The following ST8SIA4 variants were observed in gnomAD, a reference collection of about 807,000 sequenced individuals.
ST8SIA4 encodes the protein CMP-N-acetylneuraminate-poly-alpha-2,8-sialyltransferase.
Under a neutral mutation model 33.9 loss-of-function variants are expected in ST8SIA4, and 15 were observed. The ratio of observed to expected loss-of-function variants is 0.44; its 90% CI spans 0.30 to 0.68. The LOEUF is 0.68. Ranked by LOEUF, ST8SIA4 falls within the 30% of genes least tolerant of loss-of-function variation. The probability of loss-of-function intolerance (pLI) is 0.10; values close to 1 mark genes in which losing one functional copy is unlikely to be tolerated. For missense variants in ST8SIA4, 321 were observed against 428.0 expected (o/e 0.75, Z 2.21); for synonymous variants, 171 against 151.2 (o/e 1.13, Z -0.96).
At position 100,809,584 on chromosome 5, in the gene ST8SIA4, A is replaced by T. The variant is rs1750774565; in HGVS notation, c.*2263T>A. On this transcript the variant is annotated 3_prime_UTR_variant, in exon 5 of 5. Coordinates refer to ENST00000231461, the MANE Select transcript of ST8SIA4 (RefSeq NM_005668.6). The stretch of plus-strand genomic sequence containing the variant: ...TTTACCTTTAAGATATTTGCTTGTG[A>T]CTTCTAGATTTCTGTTGGATTTAAA... The T allele has an allele frequency of 6.6e-6, 1 of 152,056 alleles. No individual in the cohort carries two copies. The highest frequency in any genetic ancestry group is 1.5e-5 in the Non-Finnish European group (1 of 68,000). 9.4% of individuals were successfully genotyped at this position (152,056 alleles called of 1,614,324 possible). A position where few individuals can be genotyped will look rare whatever the true frequency, so the allele number is the denominator to read the frequency against.
chr5:100,858,273 CAT>C (rs1272320480), intron 3 of ST8SIA4, among the ~76,000 whole-genome samples: 1 of 151,988 alleles, frequency 6.6e-6, no homozygotes. Flanking sequence ...AGGGAGAATA[CAT>C]GTAACATTAC....
intron 4 of ST8SIA4, among the ~76,000 whole-genome samples, chr5:100,814,868 G>C (rs2112396187): frequency 6.6e-6 from 1 of 151,964 alleles, no homozygotes; most frequent in East Asian, 1.9e-4. Context: ...CTAGAGCCCA[G>C]ACTACAATTT....
At chr5:100,898,718 C>T (rs1238660423) in intron 1 of ST8SIA4, among the ~76,000 whole-genome samples, 1 of 152,178 alleles carries the variant, frequency 6.6e-6, no homozygotes, top group Non-Finnish European at 1.5e-5. Context: ...AGAAAAGGCT[C>T]TTCCTTCCCA....
intron 3 of ST8SIA4, among the ~76,000 whole-genome samples, chr5:100,857,646 TG>T (rs1172579752): frequency 2.0e-5 from 3 of 152,040 alleles, no homozygotes; most frequent in African/African-American, 7.2e-5. Context: ...TTGTGTATTT[TG>T]TCACATTAAT....
chr5:100,818,870 G>A (rs1046813996), intron 4 of ST8SIA4, among the ~76,000 whole-genome samples: 5 of 152,116 alleles, frequency 3.3e-5, no homozygotes, highest in Admixed American at 1.3e-4. Context: ...GTTATCTGAC[G>A]TCTATCAGAG....
At chr5:100,896,558 A>G (rs1752784216) in intron 1 of ST8SIA4, among the ~76,000 whole-genome samples, 1 of 152,136 alleles carries the variant, frequency 6.6e-6, no homozygotes. Context: ...ATTTTTAAGT[A>G]GCTCCAAGAG....
Position 100,811,852 on chromosome 5 carries a change from G to C in ST8SIA4, c.1075C>G (p.Gln359Glu). ...LKLTTGKCVK[Q>E] ...TGTTTGTTTCAAAATGTGCTTTATT[G>C]CTTTACACACTTTCCTGTTGTCAGT... is the stretch of plus-strand genomic sequence containing the variant. The change falls in exon 5 of 5, where the codon CAA becomes GAA. Residue 359 changes from glutamine (Q) to glutamate (E), a missense_variant. Physicochemically the swap from Gln to Glu is conservative, Grantham distance 29. Coordinates refer to ENST00000231461, the MANE Select transcript of ST8SIA4 (RefSeq NM_005668.6). The C allele has an allele frequency of 1.2e-6, 2 of 1,608,308 alleles. No homozygotes were observed. Among genetic ancestry groups the C allele is most frequent in the Non-Finnish European group, 1.7e-6 (2 of 1,177,204 alleles).
At chr5:100,895,261 G>A (rs182322269) in intron 2 of ST8SIA4, among the ~76,000 whole-genome samples, 1 of 152,166 alleles carries the variant, frequency 6.6e-6, no homozygotes, top group East Asian at 1.9e-4. Flanking sequence ...ACAATAGAGT[G>A]TAATAGGCTC....
chr5:100,870,660 G>A (rs924113042), intron 3 of ST8SIA4, among the ~76,000 whole-genome samples: 12 of 151,864 alleles, frequency 7.9e-5, no homozygotes, highest in African/African-American at 2.9e-4. Flanking sequence ...ATTTTTACTT[G>A]TAGATAAAAT....
At chr5:100,816,711 T>C (rs898312577) in intron 4 of ST8SIA4, 14 of 437,236 alleles carry the variant, frequency 3.2e-5, no homozygotes, top group African/African-American at 2.1e-4. Flanking sequence ...TTTCCATTAA[T>C]GAGCCCAGAA....
chr5:100,847,490 T>G (rs1389957210), intron 4 of ST8SIA4, among the ~76,000 whole-genome samples: 1 of 152,112 alleles, frequency 6.6e-6, no homozygotes, highest in Non-Finnish European at 1.5e-5. Flanking sequence ...TTATATAGAC[T>G]TTAACCTTTA....
At chr5:100,829,517 A>C (rs1162792935) in intron 4 of ST8SIA4, among the ~76,000 whole-genome samples, 1 of 152,182 alleles carries the variant, frequency 6.6e-6, no homozygotes, top group Non-Finnish European at 1.5e-5. Context: ...TGATATATCT[A>C]TAATAGGGGA....
intron 4 of ST8SIA4, among the ~76,000 whole-genome samples, chr5:100,853,028 C>A (rs753885139): frequency 4.6e-4 from 70 of 152,186 alleles, no homozygotes; most frequent in Non-Finnish European, 8.2e-4. Flanking sequence ...AGGCAACCAA[C>A]TCCAGTAATC....
At chr5:100,819,530 T>A (rs1179495633) in intron 4 of ST8SIA4, among the ~76,000 whole-genome samples, 1 of 152,198 alleles carries the variant, frequency 6.6e-6, no homozygotes, top group Non-Finnish European at 1.5e-5. Context: ...CAACCTGACA[T>A]CAGTGAACAC....
intron 4 of ST8SIA4, among the ~76,000 whole-genome samples, chr5:100,850,963 T>A (rs1751684114): frequency 7.1e-6 from 1 of 141,512 alleles, no homozygotes; most frequent in African/African-American, 2.6e-5. Flanking sequence ...ACTTTTTTTT[T>A]TTTTTTTTTT....
chr5:100,859,191 A>G (rs531178812), intron 3 of ST8SIA4, among the ~76,000 whole-genome samples: 1 of 152,110 alleles, frequency 6.6e-6, no homozygotes, highest in Non-Finnish European at 1.5e-5. Context: ...CTGCTGATTG[A>G]GCAGGATTAT....
intron 4 of ST8SIA4, among the ~76,000 whole-genome samples, chr5:100,841,936 T>G (rs1751479341): frequency 6.6e-6 from 1 of 151,872 alleles, no homozygotes; most frequent in African/African-American, 2.4e-5. Flanking sequence ...CCAAGCTGGT[T>G]TTGTTGCTTG....
In ST8SIA4 at chr5:100,810,585, AGTAT is replaced by A. The variant is rs1750793948; in HGVS notation, c.*1258_*1261del. On this transcript the variant is annotated 3_prime_UTR_variant, in exon 5 of 5. Transcript: ENST00000231461. The stretch of plus-strand genomic sequence containing the variant: ...TGAAAAACATTTCAAATGAAAATAA[AGTAT>A]GAGTTTGAAAATTAAAAAATATTTA... 3 of 152,502 alleles carry A rather than the reference AGTAT, an allele frequency of 2.0e-5. No individual in the cohort carries two copies. Among genetic ancestry groups the A allele is most frequent in the African/African-American group, 7.2e-5 (3 of 41,582 alleles). 9.4% of individuals were successfully genotyped at this position (152,502 alleles called of 1,614,324 possible). A position where few individuals can be genotyped will look rare whatever the true frequency, so the allele number is the denominator to read the frequency against.
chr5:100,854,531 C>T (rs1052456445), intron 4 of ST8SIA4, among the ~76,000 whole-genome samples: 2 of 151,888 alleles, frequency 1.3e-5, no homozygotes, highest in South Asian at 2.1e-4. Flanking sequence ...TGTAGTGAGC[C>T]GAGATCGCAC....
Sources: allele counts gnomAD v4.1 joint callset (sites outside exome capture counted in the v4.1 genomes callset), GRCh38; gene constraint gnomAD v4.1.1; transcripts MANE v1.5; gene names NCBI Gene and HGNC (gene_info 2026-07-23, HGNC 2026-07-21).